Variants in GLIS1 observed in about 807,000 individuals in gnomAD.
The protein encoded by GLIS1 is GLIS family zinc finger 1, also known as zinc finger protein GLIS1.
GLIS1 carries 24 observed loss-of-function variants against 63.8 expected under a neutral mutation model. That is an observed-to-expected ratio of 0.38 (90% CI 0.27 to 0.53). GLIS1 has a LOEUF of 0.53. Among genes scored for constraint, GLIS1 ranks in the 20% least tolerant of loss-of-function variants. The pLI is 0.85. For missense variants in GLIS1, 1,036 were observed against 1,074.1 expected (o/e 0.96, Z 0.50); for synonymous variants, 450 against 482.5 (o/e 0.93, Z 0.88).
intron 2 of GLIS1, among the ~76,000 whole-genome samples, chr1:53,615,419 G>A (rs879477974): frequency 3.3e-5 from 5 of 152,188 alleles, no homozygotes; most frequent in African/African-American, 7.2e-5. Flanking sequence ...ACCACTGCCC[G>A]GTGTGAGTGA....
intron 5 of GLIS1, among the ~76,000 whole-genome samples, chr1:53,525,984 G>T (rs1644464321): frequency 6.6e-6 from 1 of 152,124 alleles, no homozygotes; most frequent in Admixed American, 6.5e-5. Flanking sequence ...GGCTCTAATT[G>T]AATCCCAATC....
At chr1:53,584,094 C>T (rs1435331201) in intron 4 of GLIS1, among the ~76,000 whole-genome samples, 2 of 152,142 alleles carry the variant, frequency 1.3e-5, no homozygotes, top group Non-Finnish European at 2.9e-5. Context: ...GAGTGGACTG[C>T]CCTTCCTGAG....
intron 2 of GLIS1, among the ~76,000 whole-genome samples, chr1:53,724,620 A>G (rs972600607): frequency 1.8e-4 from 28 of 152,136 alleles, no homozygotes; most frequent in Admixed American, 1.6e-3. Flanking sequence ...CCTGGGCTCA[A>G]GTGATCCTCC....
chr1:53,525,929 G>A (rs142134038), intron 5 of GLIS1, among the ~76,000 whole-genome samples: 20 of 152,268 alleles, frequency 1.3e-4, no homozygotes, highest in African/African-American at 4.1e-4. Context: ...GGAGCGACTT[G>A]TCTGATTCAT....
At chr1:53,696,751 G>A (rs898580298) in intron 2 of GLIS1, among the ~76,000 whole-genome samples, 7 of 152,166 alleles carry the variant, frequency 4.6e-5, no homozygotes, top group South Asian at 2.1e-4. Flanking sequence ...TGCCCATGCC[G>A]CCTGGAACTC....
chr1:53,675,353 T>C (rs547219506), intron 2 of GLIS1, among the ~76,000 whole-genome samples: 4 of 152,286 alleles, frequency 2.6e-5, no homozygotes, highest in African/African-American at 9.6e-5. Context: ...AGAGGGTATA[T>C]GGCCTGAGGT....
intron 2 of GLIS1, among the ~76,000 whole-genome samples, chr1:53,654,757 C>A (rs1645946235): frequency 6.6e-6 from 1 of 152,132 alleles, no homozygotes; most frequent in Admixed American, 6.5e-5. Context: ...CTCCAGCGAT[C>A]CTCCTAGGAG....
chr1:53,727,074 T>G (rs575249836), intron 2 of GLIS1, among the ~76,000 whole-genome samples: 1 of 152,320 alleles, frequency 6.6e-6, no homozygotes, highest in African/African-American at 2.4e-5. Context: ...TGAGGAAGAC[T>G]GAGGCTCAGA....
At chr1:53,510,474 C>T (rs547631048) in intron 8 of GLIS1, among the ~76,000 whole-genome samples, 1 of 152,264 alleles carries the variant, frequency 6.6e-6, no homozygotes, top group African/African-American at 2.4e-5. Flanking sequence ...GACGAGGAGC[C>T]CTGGAGCAGC....
intron 2 of GLIS1, among the ~76,000 whole-genome samples, chr1:53,675,587 A>G (rs1646202551): frequency 6.6e-6 from 1 of 152,228 alleles, no homozygotes; most frequent in African/African-American, 2.4e-5. Context: ...TGAAGCAAGG[A>G]GCTGTGCAAA....
chr1:53,547,685 T>C (rs1031888193), intron 4 of GLIS1, among the ~76,000 whole-genome samples: 40 of 152,208 alleles, frequency 2.6e-4, no homozygotes, highest in African/African-American at 8.7e-4. Flanking sequence ...TCATTTTTGG[T>C]ATGGCCGTAC....
intron 2 of GLIS1, among the ~76,000 whole-genome samples, chr1:53,736,039 T>C (rs1487274231): frequency 1.3e-5 from 2 of 152,174 alleles, no homozygotes; most frequent in Non-Finnish European, 2.9e-5. Context: ...CAGGCCTCAG[T>C]TTCCTCACCC....
chr1:53,620,486 G>A (rs1645531236), intron 2 of GLIS1, among the ~76,000 whole-genome samples: 1 of 152,244 alleles, frequency 6.6e-6, no homozygotes, highest in Admixed American at 6.5e-5. Context: ...CAAGCACAGG[G>A]ACCCCGTCGG....
intron 4 of GLIS1, among the ~76,000 whole-genome samples, chr1:53,535,954 A>G (rs1000373256): frequency 1.3e-5 from 2 of 152,012 alleles, no homozygotes; most frequent in Non-Finnish European, 2.9e-5. Flanking sequence ...ACACCAATGC[A>G]TTCCAGCTTC....
At chr1:53,507,112 C>T (rs1644242671) in intron 10 of GLIS1, among the ~76,000 whole-genome samples, 1 of 152,116 alleles carries the variant, frequency 6.6e-6, no homozygotes, top group Admixed American at 6.5e-5. Context: ...CAGCTCAGCC[C>T]TTGCCCTCAG....
In GLIS1 at chr1:53,646,739, G is replaced by A. The variant is rs1212827160; in HGVS notation, c.260-46461C>T. Among the ~76,000 whole-genome samples, 1 of 152,022 alleles carries A rather than the reference G, an allele frequency of 6.6e-6. No individual in the cohort carries two copies. The highest frequency in any genetic ancestry group is 1.5e-5 in the Non-Finnish European group (1 of 68,016). On this transcript the variant is annotated intron_variant, in intron 2 of 10. Coordinates refer to ENST00000628545, the MANE Select transcript of GLIS1 (RefSeq NM_001367484.1). The surrounding 1 kb of genome is among the most constrained non-coding windows in gnomAD (Gnocchi z 4.2). ...GGAGGAGGACTGTTTGAACCTGGTA[G>A]GCAGAGGTTGCAGTGAGTAGAGATC...
At chr1:53,522,221 C>T (rs1305553578) in intron 6 of GLIS1, among the ~76,000 whole-genome samples, 2 of 152,264 alleles carry the variant, frequency 1.3e-5, no homozygotes, top group African/African-American at 4.8e-5. Flanking sequence ...CTCTGAAACG[C>T]GGCAGGGCTG....
chr1:53,680,659 G>T (rs568437539), intron 2 of GLIS1, among the ~76,000 whole-genome samples: 10 of 152,296 alleles, frequency 6.6e-5, no homozygotes, highest in African/African-American at 2.2e-4. Flanking sequence ...AACTCACGTG[G>T]CCAGAAAACA....
chr1:53,674,843 A>G (rs1023364939), intron 2 of GLIS1, among the ~76,000 whole-genome samples: 3 of 152,202 alleles, frequency 2.0e-5, no homozygotes, highest in African/African-American at 7.2e-5. Context: ...AGAAAAGGAA[A>G]CTGAGGCTGA....
Sources: allele counts gnomAD v4.1 joint callset (sites outside exome capture counted in the v4.1 genomes callset), GRCh38; gene constraint gnomAD v4.1.1; non-coding constraint Gnocchi (gnomAD v3.1); transcripts MANE v1.5; gene names NCBI Gene and HGNC (gene_info 2026-07-23, HGNC 2026-07-21).